The following TENM3 variants were observed in gnomAD, a reference collection of about 807,000 sequenced individuals.
The protein encoded by TENM3 is teneurin transmembrane protein 3.
A neutral mutation model predicts 255.1 loss-of-function variants in TENM3; 63 were observed. The ratio of observed to expected loss-of-function variants is 0.25; its 90% CI spans 0.20 to 0.30. The LOEUF (loss-of-function observed/expected upper bound fraction) is 0.30, where lower values mean the gene tolerates loss of function less well. Ranked by LOEUF, TENM3 falls within the 10% of genes least tolerant of loss-of-function variation. TENM3 has a pLI of 1.00. For missense variants in TENM3, 2,929 were observed against 3,461.1 expected (o/e 0.85, Z 3.86); for synonymous variants, 1,306 against 1,322.3 (o/e 0.99, Z 0.27).
the TENM3 span, among the ~76,000 whole-genome samples, chr4:181,542,280 A>T: frequency 2.0e-5 from 3 of 152,292 alleles, no homozygotes; most frequent in East Asian, 1.9e-4. Flanking sequence ...GTTGATCTGG[A>T]GAGCAGCGAG....
the TENM3 span, among the ~76,000 whole-genome samples, chr4:181,881,848 C>T: frequency 1.3e-5 from 2 of 152,138 alleles, no homozygotes; most frequent in Non-Finnish European, 2.9e-5. Context: ...ATATTTATCT[C>T]CTTACTGGGC....
chr4:181,617,024 TG>T, the TENM3 span, among the ~76,000 whole-genome samples: 9 of 152,318 alleles, frequency 5.9e-5, 1 homozygote, highest in South Asian at 1.9e-3. Context: ...TATGCAAACT[TG>T]GCATGTCTTC....
At chr4:181,986,646 C>T in the TENM3 span, among the ~76,000 whole-genome samples, 4 of 152,052 alleles carry the variant, frequency 2.6e-5, no homozygotes, top group Non-Finnish European at 5.9e-5. Context: ...GTCCTCTTCC[C>T]ACTCTTCTTA....
chr4:182,068,035 C>T, the TENM3 span, among the ~76,000 whole-genome samples: 1 of 152,082 alleles, frequency 6.6e-6, no homozygotes, highest in Non-Finnish European at 1.5e-5. Flanking sequence ...ATTCATGAGA[C>T]AATTCCTTAA....
the TENM3 span, among the ~76,000 whole-genome samples, chr4:182,120,093 G>GCA: frequency 9.8e-4 from 4 of 4,064 alleles, no homozygotes; most frequent in African/African-American, 1.8e-3. Flanking sequence ...GCGTGCGTGC[G>GCA]CGCACACACA....
At chr4:182,342,018 A>T (rs79166805) in intron 2 of TENM3, among the ~76,000 whole-genome samples, 5,929 of 152,124 alleles carry the variant, frequency 0.039, 258 homozygotes, top group African/African-American at 0.11. Context: ...CAGAATTAAA[A>T]CCCTCATACA....
chr4:181,882,345 G>C, the TENM3 span, among the ~76,000 whole-genome samples: 1 of 152,176 alleles, frequency 6.6e-6, no homozygotes, highest in African/African-American at 2.4e-5. Flanking sequence ...TTGGACTTCT[G>C]CAGGAAGGAA....
At chr4:182,288,793 C>T (rs988666392) in intron 1 of TENM3, among the ~76,000 whole-genome samples, 4 of 152,200 alleles carry the variant, frequency 2.6e-5, no homozygotes, top group African/African-American at 9.7e-5. Context: ...GCCTGGACGA[C>T]TCATGGAGCA....
intron 5 of TENM3, among the ~76,000 whole-genome samples, chr4:182,629,254 G>C (rs1409770617): frequency 1.3e-5 from 2 of 152,080 alleles, no homozygotes; most frequent in South Asian, 2.1e-4. Context: ...GTACTCAATA[G>C]GGAGCTCTCC....
chr4:182,665,569 T>C (rs1754598703), intron 6 of TENM3, among the ~76,000 whole-genome samples: 1 of 152,130 alleles, frequency 6.6e-6, no homozygotes, highest in Non-Finnish European at 1.5e-5. Flanking sequence ...AGATAGTGAT[T>C]TTCCTGTGAT....
chr4:181,542,280 A>G, the TENM3 span, among the ~76,000 whole-genome samples: 1 of 152,174 alleles, frequency 6.6e-6, no homozygotes, highest in Non-Finnish European at 1.5e-5. Context: ...GTTGATCTGG[A>G]GAGCAGCGAG....
the TENM3 span, among the ~76,000 whole-genome samples, chr4:181,557,088 A>G: frequency 6.6e-6 from 1 of 152,154 alleles, no homozygotes; most frequent in African/African-American, 2.4e-5. Context: ...TCTTTGTGCA[A>G]ATTTGCAACA....
chr4:182,786,497 C>A (rs1765664075), intron 24 of TENM3, among the ~76,000 whole-genome samples: 1 of 149,756 alleles, frequency 6.7e-6, no homozygotes, highest in Admixed American at 6.7e-5. Flanking sequence ...GAGGAGGTTG[C>A]AGTGAGCCAA....
In TENM3 at chr4:182,631,026, G is replaced by A. The variant is rs571918888; in HGVS notation, c.988+2137G>A. ...TTGTACTCTTTTTAAGGACCCATTA[G>A]TGAATATAACTCTCAGACTTCTAAG... is the stretch of plus-strand genomic sequence containing the variant. On this transcript the variant is annotated intron_variant, in intron 5 of 27. Coordinates refer to ENST00000511685, the MANE Select transcript of TENM3 (RefSeq NM_001080477.4). Among the ~76,000 whole-genome samples the A allele has an allele frequency of 3.3e-5, 5 of 152,128 alleles. No individual in the cohort carries two copies. In the East Asian group the frequency reaches 9.7e-4, roughly 29 times the overall value.
intron 3 of TENM3, among the ~76,000 whole-genome samples, chr4:182,459,017 T>C (rs1774118371): frequency 6.6e-6 from 1 of 152,236 alleles, no homozygotes; most frequent in African/African-American, 2.4e-5. Flanking sequence ...TTGAAACTAC[T>C]TTTTTGAAAT....
chr4:182,009,167 C>T, the TENM3 span, among the ~76,000 whole-genome samples: 3 of 152,054 alleles, frequency 2.0e-5, no homozygotes, highest in Non-Finnish European at 4.4e-5. Context: ...TAGGATTGCT[C>T]CTGTATAGGG....
the TENM3 span, among the ~76,000 whole-genome samples, chr4:182,128,019 A>G: frequency 6.6e-6 from 1 of 152,148 alleles, no homozygotes; most frequent in Non-Finnish European, 1.5e-5. Flanking sequence ...ATTTCTTTAT[A>G]GGAAGTTTAA....
chr4:182,197,038 C>T (rs1349557768), intron 1 of TENM3, among the ~76,000 whole-genome samples: 1 of 152,190 alleles, frequency 6.6e-6, no homozygotes, highest in African/African-American at 2.4e-5. Flanking sequence ...GTTGCTGTTG[C>T]ATTTCATGTC....
At position 182,331,281 on chromosome 4, in the gene TENM3, T is replaced by G. The variant is rs1214650391; in HGVS notation, c.232+7029T>G. 2.0e-5 allele frequency among the ~76,000 whole-genome samples: 3 copies of G among 152,122 alleles called. No individual in the cohort carries two copies. In the East Asian group the frequency reaches 5.8e-4, roughly 29 times the overall value. Reference sequence around the variant, plus strand: ...TGCATTTTGGCCGGGTGCGGTGGCTTACACCTGTAATCCCAGCACTTTGGG... The same window carrying G: ...TGCATTTTGGCCGGGTGCGGTGGCTGACACCTGTAATCCCAGCACTTTGGG... On this transcript the variant is annotated intron_variant, in intron 2 of 27. Transcript: ENST00000511685.
Sources: allele counts gnomAD v4.1 joint callset (sites outside exome capture counted in the v4.1 genomes callset), GRCh38; gene constraint gnomAD v4.1.1; transcripts MANE v1.5; gene names NCBI Gene and HGNC (gene_info 2026-07-23, HGNC 2026-07-21).